FAM171A1: variants seen among roughly 807,000 people sequenced by gnomAD.
The protein encoded by FAM171A1 is protein FAM171A1.
A neutral mutation model predicts 74.9 loss-of-function variants in FAM171A1; 23 were observed. The ratio of observed to expected loss-of-function variants is 0.31; its 90% CI spans 0.22 to 0.44. The LOEUF (loss-of-function observed/expected upper bound fraction) is 0.44. Among genes scored for constraint, FAM171A1 ranks in the 20% least tolerant of loss-of-function variants. The pLI is 1.00. For synonymous variants in FAM171A1, 527 were observed against 505.7 expected (o/e 1.04, Z -0.57); for missense variants, 1,162 against 1,159.2 (o/e 1.00, Z -0.03).
intron 1 of FAM171A1, among the ~76,000 whole-genome samples, chr10:15,345,612 GGGGGATAGCCTT>G (rs1197467167): frequency 6.6e-6 from 1 of 152,132 alleles, no homozygotes; most frequent in African/African-American, 2.4e-5. Flanking sequence ...AGGTCTGGAC[GGGGGATAGCCTT>G]GGGCATCCAT....
intron 1 of FAM171A1, among the ~76,000 whole-genome samples, chr10:15,291,371 G>A (rs752701470): frequency 2.0e-5 from 3 of 152,164 alleles, no homozygotes; most frequent in Non-Finnish European, 4.4e-5. Context: ...ATATACACTT[G>A]TTTAAATTAA....
chr10:15,280,389 A>G (rs1446424922), intron 2 of FAM171A1, among the ~76,000 whole-genome samples: 1 of 152,234 alleles, frequency 6.6e-6, no homozygotes, highest in Non-Finnish European at 1.5e-5. Context: ...ACTGGAGGCC[A>G]TTGCCATGGT....
intron 1 of FAM171A1, among the ~76,000 whole-genome samples, chr10:15,351,339 G>A (rs1378577675): frequency 6.6e-6 from 1 of 152,174 alleles, no homozygotes; most frequent in Admixed American, 6.5e-5. Flanking sequence ...GAGCTGAGAG[G>A]AGAGAGGAAG....
At chr10:15,216,483 C>G (rs146350985) in intron 6 of FAM171A1, among the ~76,000 whole-genome samples, 2 of 151,538 alleles carry the variant, frequency 1.3e-5, no homozygotes, top group East Asian at 1.9e-4. Context: ...CAGGCTGGAG[C>G]GCAGTGATAC....
chr10:15,254,201 G>C (rs1298223742), intron 4 of FAM171A1, among the ~76,000 whole-genome samples: 5 of 152,178 alleles, frequency 3.3e-5, no homozygotes, highest in African/African-American at 1.2e-4. Context: ...TGGTCCCCAT[G>C]CCGGTGGGGC....
intron 1 of FAM171A1, among the ~76,000 whole-genome samples, chr10:15,310,771 G>A (rs1354865513): frequency 1.3e-5 from 2 of 151,842 alleles, no homozygotes; most frequent in African/African-American, 4.8e-5. Context: ...TGAGGCAGGA[G>A]AACCGTTTGA....
chr10:15,362,478 G>C (rs1482274604), intron 1 of FAM171A1, among the ~76,000 whole-genome samples: 1 of 152,222 alleles, frequency 6.6e-6, no homozygotes, highest in Non-Finnish European at 1.5e-5. Context: ...GGCTGAGGTG[G>C]GTGGGTCACC....
chr10:15,243,971 T>C (rs532790553), intron 5 of FAM171A1, among the ~76,000 whole-genome samples: 29 of 152,274 alleles, frequency 1.9e-4, no homozygotes, highest in Middle Eastern at 3.4e-3. Context: ...AGGATGGTCT[T>C]GATCTCCTAA....
chr10:15,233,160 T>G (rs1423734235), intron 5 of FAM171A1, among the ~76,000 whole-genome samples: 1 of 152,030 alleles, frequency 6.6e-6, no homozygotes, highest in East Asian at 1.9e-4. Context: ...CTTGGCGTGG[T>G]GGCCGGTGCC....
At chr10:15,282,443 C>A (rs191660069) in intron 2 of FAM171A1, among the ~76,000 whole-genome samples, 1 of 152,178 alleles carries the variant, frequency 6.6e-6, no homozygotes, top group Non-Finnish European at 1.5e-5. Context: ...AACAAAGGCA[C>A]GTACTATTGA....
intron 3 of FAM171A1, among the ~76,000 whole-genome samples, chr10:15,266,722 A>G (rs1406130204): frequency 6.6e-6 from 1 of 151,728 alleles, no homozygotes; most frequent in Non-Finnish European, 1.5e-5. Flanking sequence ...AAAATAAATC[A>G]TTTGGGCATT....
At chr10:15,261,741 TG>T (rs1326877822) in intron 3 of FAM171A1, among the ~76,000 whole-genome samples, 1 of 151,896 alleles carries the variant, frequency 6.6e-6, no homozygotes, top group Admixed American at 6.6e-5. Flanking sequence ...CTACCATGTG[TG>T]GGGAAGTGAA....
intron 1 of FAM171A1, among the ~76,000 whole-genome samples, chr10:15,369,563 C>T (rs1836108998): frequency 6.6e-6 from 1 of 152,188 alleles, no homozygotes; most frequent in Admixed American, 6.5e-5. Flanking sequence ...TCATATTCTA[C>T]CATGGCCATA....
At chr10:15,370,799 G>A (rs1836133706) in intron 1 of FAM171A1, among the ~76,000 whole-genome samples, 157 bp downstream of exon 1, 1 of 145,856 alleles carries the variant, frequency 6.9e-6, no homozygotes, top group Non-Finnish European at 1.5e-5. Flanking sequence ...CCTCGGGAGC[G>A]CGTTGCGGGT....
chr10:15,214,574 G>A lies in FAM171A1; in HGVS notation c.1014C>T (p.His338=). Residue 338 remains histidine, a synonymous_variant, in exon 8 of 8, where the codon CAC becomes CAT. Coordinates refer to ENST00000378116, the MANE Select transcript of FAM171A1 (RefSeq NM_001010924.2). ...CRRKCLKPRQ[H]HRKLQLPAGL... is the part of the protein sequence containing the mutation. ...CTGCAGGGAGCTGCAGTTTTCTGTG[G>A]TGCTGACGAGGTTTCAAGCACTTCC... is the stretch of plus-strand genomic sequence containing the variant. 1.2e-6 allele frequency: 2 copies of A among 1,604,602 alleles called. No homozygotes were observed. The highest frequency in any genetic ancestry group is 1.7e-6 in the Non-Finnish European group (2 of 1,174,638).
chr10:15,304,246 T>C (rs1835266900), intron 1 of FAM171A1, among the ~76,000 whole-genome samples: 1 of 152,216 alleles, frequency 6.6e-6, no homozygotes, highest in Non-Finnish European at 1.5e-5. Context: ...TGTGTCTTTG[T>C]GTTCTCTAAT....
Position 15,279,845 on chromosome 10 carries a change from G to C in FAM171A1, c.326-3898C>G, listed in dbSNP as rs143064473. Among the ~76,000 whole-genome samples the C allele has an allele frequency of 3.5e-3, 535 of 152,280 alleles. 3 individuals carry two copies. The highest frequency in any genetic ancestry group is 0.012 in the African/African-American group (513 of 41,552). Reference sequence around the variant, plus strand: ...AGGCAAGACAATCGCTTCAACCCAGGAGACGGAGGTTGCAGTGAACCGAGA... The same window carrying C: ...AGGCAAGACAATCGCTTCAACCCAGCAGACGGAGGTTGCAGTGAACCGAGA... On this transcript the variant is annotated intron_variant, in intron 2 of 7. Coordinates refer to ENST00000378116, the MANE Select transcript of FAM171A1 (RefSeq NM_001010924.2).
rs774696663 is a variant in FAM171A1, at chr10:15,220,984, C to T, written c.831G>A (p.Gln277=). The stretch of plus-strand genomic sequence containing the variant: ...ACATGGCGGCCACCCAGTACCCCAA[C>T]TGGGGGGCAATGTATGTCCACGTCA... ...SQLTWTYIAP[Q]LGYWVAAMSP... The change falls in exon 6 of 8, where the codon CAG becomes CAA. Residue 277 remains glutamine, a synonymous_variant. Transcript: ENST00000378116. 10 of 1,614,126 alleles carry T rather than the reference C, an allele frequency of 6.2e-6. No individual in the cohort carries two copies. The highest frequency in any genetic ancestry group is 7.6e-6 in the Non-Finnish European group (9 of 1,180,006).
intron 5 of FAM171A1, chr10:15,241,615 G>A (rs927539195): frequency 3.3e-5 from 5 of 151,988 alleles, no homozygotes; most frequent in African/African-American, 7.3e-5. Context: ...ATTTATTGAC[G>A]TACAGTTGAA....
Sources: gnomAD v4.1 joint callset for allele counts (sites outside exome capture counted in the v4.1 genomes callset) on GRCh38, gnomAD v4.1.1 for gene constraint, MANE v1.5 for transcripts, NCBI Gene and HGNC (gene_info 2026-07-23, HGNC 2026-07-21) for gene names.